CRY1: variants seen among roughly 807,000 people sequenced by gnomAD.
The protein encoded by CRY1 is cryptochrome-1.
Under a neutral mutation model 76.0 loss-of-function variants are expected in CRY1, and 45 were observed. The ratio of observed to expected loss-of-function variants is 0.59; its 90% CI spans 0.47 to 0.76. CRY1 has a LOEUF of 0.76. Among genes scored for constraint, CRY1 ranks in the 30% least tolerant of loss-of-function variants. CRY1 has a pLI of 0.00. For synonymous variants in CRY1, 248 were observed against 244.0 expected (o/e 1.02, Z -0.15); for missense variants, 587 against 716.4 (o/e 0.82, Z 2.06).
intron 1 of CRY1, among the ~76,000 whole-genome samples, chr12:107,042,386 C>G (rs755599220): frequency 2.0e-5 from 3 of 152,172 alleles, no homozygotes; most frequent in Non-Finnish European, 4.4e-5. Context: ...GCTGAGAAAC[C>G]TGGCAGACAT....
intron 1 of CRY1, among the ~76,000 whole-genome samples, chr12:107,085,969 TA>T (rs1953395570): frequency 6.6e-6 from 1 of 152,190 alleles, no homozygotes. Flanking sequence ...AAATGCTGAT[TA>T]AAATATAGAC....
intron 1 of CRY1, among the ~76,000 whole-genome samples, chr12:107,088,024 G>A (rs936624131): frequency 6.6e-6 from 1 of 152,102 alleles, no homozygotes; most frequent in South Asian, 2.1e-4. Flanking sequence ...GGGCAACAGA[G>A]TGATACCCCG....
chr12:107,001,736 C>T (rs371406560), intron 4 of CRY1, 28 bp downstream of exon 4: 166 of 1,492,354 alleles, frequency 1.1e-4, no homozygotes, highest in Non-Finnish European at 1.4e-4. Context: ...AACTTGCAAG[C>T]CTCACACTGA....
intron 10 of CRY1, among the ~76,000 whole-genome samples, chr12:106,993,715 A>G (rs1381273035): frequency 6.6e-6 from 1 of 152,100 alleles, no homozygotes; most frequent in Admixed American, 6.6e-5. Context: ...GTTTTAATTA[A>G]CTTCAATCCC....
chr12:107,012,609 G>C (rs1393884532), intron 2 of CRY1, among the ~76,000 whole-genome samples: 4 of 152,176 alleles, frequency 2.6e-5, no homozygotes, highest in African/African-American at 4.8e-5. Context: ...GAATAATTCT[G>C]ACTTTCAAGT....
chr12:107,034,521 A>G (rs1283255686), intron 1 of CRY1, among the ~76,000 whole-genome samples: 1 of 152,140 alleles, frequency 6.6e-6, no homozygotes, highest in African/African-American at 2.4e-5. Context: ...ATTCTTTCTT[A>G]AGTGAGTTCC....
chr12:107,012,206 G>A (rs1952452885), intron 2 of CRY1, among the ~76,000 whole-genome samples: 1 of 152,082 alleles, frequency 6.6e-6, no homozygotes, highest in South Asian at 2.1e-4. Flanking sequence ...AAAAAAAGAA[G>A]AAAAAGTCAA....
intron 1 of CRY1, among the ~76,000 whole-genome samples, chr12:107,067,103 T>C (rs946894797): frequency 3.9e-5 from 6 of 152,204 alleles, no homozygotes; most frequent in Non-Finnish European, 8.8e-5. Flanking sequence ...GGAAATAGTC[T>C]ACAGAAGTGT....
intron 1 of CRY1, among the ~76,000 whole-genome samples, chr12:107,038,347 C>G (rs879884845): frequency 2.6e-5 from 4 of 151,950 alleles, no homozygotes; most frequent in Admixed American, 2.0e-4. Context: ...AGCAGCTTCA[C>G]TTTGAATAAA....
intron 1 of CRY1, among the ~76,000 whole-genome samples, chr12:107,037,202 C>G (rs1952743720): frequency 6.6e-6 from 1 of 152,088 alleles, no homozygotes; most frequent in South Asian, 2.1e-4. Context: ...GACCTCATGA[C>G]TGTTTGAGGA....
chr12:106,993,438 C>A (rs996167522), intron 10 of CRY1, among the ~76,000 whole-genome samples: 1 of 151,504 alleles, frequency 6.6e-6, no homozygotes, highest in Non-Finnish European at 1.5e-5. Context: ...TAAGGGCCTG[C>A]CCGATGAGTT....
At chr12:107,009,444 C>A (rs1229164965) in intron 2 of CRY1, among the ~76,000 whole-genome samples, 2 of 151,522 alleles carry the variant, frequency 1.3e-5, no homozygotes, top group African/African-American at 4.9e-5. Context: ...GAGGCTGAGG[C>A]AGGAGAATTG....
At chr12:107,068,174 G>C (rs563884401) in intron 1 of CRY1, among the ~76,000 whole-genome samples, 1 of 152,184 alleles carries the variant, frequency 6.6e-6, no homozygotes, top group Non-Finnish European at 1.5e-5. Context: ...AGATCATATG[G>C]CCTGAAAAAC....
intron 1 of CRY1, among the ~76,000 whole-genome samples, chr12:107,041,734 T>C (rs1407053407): frequency 2.0e-5 from 3 of 151,304 alleles, no homozygotes; most frequent in Non-Finnish European, 4.4e-5. Flanking sequence ...ATATTCCTAT[T>C]TTTACGCTAG....
At chr12:107,079,450 C>T (rs1228033883) in intron 1 of CRY1, among the ~76,000 whole-genome samples, 4 of 152,098 alleles carry the variant, frequency 2.6e-5, no homozygotes, top group African/African-American at 7.2e-5. Flanking sequence ...TGGTATCAAG[C>T]GATGTCCAAA....
At chr12:107,080,411 G>C (rs773421195) in intron 1 of CRY1, among the ~76,000 whole-genome samples, 12 of 152,038 alleles carry the variant, frequency 7.9e-5, no homozygotes, top group Non-Finnish European at 1.2e-4. Flanking sequence ...ACTAACTTGA[G>C]AATTCTGGGC....
In CRY1 at chr12:107,083,641, C is replaced by G. The variant is rs564751369; in HGVS notation, c.158+9163G>C. On this transcript the variant is annotated intron_variant, in intron 1 of 12. Coordinates refer to ENST00000008527, the MANE Select transcript of CRY1 (RefSeq NM_004075.5). Reference sequence around the variant, plus strand: ...AAAAGGCCTTGGACAAAATTCAACACCGCTTCATGCTAAAAACTCTCAATA... The same window carrying G: ...AAAAGGCCTTGGACAAAATTCAACAGCGCTTCATGCTAAAAACTCTCAATA... 2.0e-5 allele frequency among the ~76,000 whole-genome samples: 3 copies of G among 152,220 alleles called. No individual in the cohort carries two copies. The East Asian group carries it at 5.8e-4, about 29-fold the overall frequency.
intron 1 of CRY1, among the ~76,000 whole-genome samples, chr12:107,054,393 AAATT>A (rs1261216933): frequency 2.0e-5 from 3 of 151,648 alleles, no homozygotes; most frequent in African/African-American, 7.2e-5. Flanking sequence ...TAAGTCTGAT[AAATT>A]AATAAATCTA....
intron 10 of CRY1, 126 bp from the exon 11 acceptor site, chr12:106,993,162 C>G: frequency 1.2e-6 from 1 of 840,976 alleles, no homozygotes; most frequent in Non-Finnish European, 1.8e-6. Flanking sequence ...AAGACTAAAT[C>G]TCAATCTTCC....
Sources: allele counts gnomAD v4.1 joint callset (sites outside exome capture counted in the v4.1 genomes callset), GRCh38; gene constraint gnomAD v4.1.1; transcripts MANE v1.5; gene names NCBI Gene and HGNC (gene_info 2026-07-23, HGNC 2026-07-21).